The following DENND5A variants were observed in gnomAD, a reference collection of about 807,000 sequenced individuals.
DENND5A encodes DENN domain containing 5A.
DENND5A carries 64 observed loss-of-function variants against 140.3 expected under a neutral mutation model. The ratio of observed to expected loss-of-function variants is 0.46; its 90% confidence interval spans 0.37 to 0.56. The LOEUF is 0.56. Among genes scored for constraint, DENND5A ranks in the 20% least tolerant of loss-of-function variants. The probability of loss-of-function intolerance (pLI) is 0.00; values close to 1 mark genes in which losing one functional copy is unlikely to be tolerated. For missense variants in DENND5A, 1,292 were observed against 1,593.8 expected, an observed-to-expected ratio of 0.81 and a Z score of 3.22; for synonymous variants, 605 against 607.7, an observed-to-expected ratio of 1.00 and a Z score of 0.07.
intron 1 of DENND5A, among the ~76,000 whole-genome samples, chr11:9,250,213 T>C (rs1271835026): frequency 1.6e-4 from 25 of 151,962 alleles, no homozygotes; most frequent in Admixed American, 1.6e-3. Flanking sequence ...CAAATCTTTT[T>C]TTTCCTTCAA....
chr11:9,200,440 G>A (rs1281987905), intron 4 of DENND5A, among the ~76,000 whole-genome samples: 4 of 152,228 alleles, frequency 2.6e-5, no homozygotes, highest in Non-Finnish European at 5.9e-5. Context: ...TGAAGCCTCA[G>A]GAACTACATT....
At position 9,165,970 on chromosome 11, in the gene DENND5A, A is replaced by G. The variant is rs1564891407; in HGVS notation, c.2152-3T>C. The G allele has an allele frequency of 2.5e-6, 4 of 1,614,096 alleles. No individual in the cohort carries two copies. The highest frequency in any genetic ancestry group is 3.4e-6 in the Non-Finnish European group (4 of 1,179,948). On this transcript the variant is annotated splice_region_variant and splice_polypyrimidine_tract_variant and intron_variant, in intron 10 of 22. Transcript: ENST00000328194. Reference sequence around the variant, plus strand: ...GTCCTGGCTTCCTGGATGTACTTCTATATCAAACAGAAAAATAAAGACCCT... The same window carrying G: ...GTCCTGGCTTCCTGGATGTACTTCTGTATCAAACAGAAAAATAAAGACCCT...
intron 10 of DENND5A, among the ~76,000 whole-genome samples, chr11:9,166,385 C>T (rs1004306439): frequency 1.3e-5 from 2 of 152,094 alleles, no homozygotes; most frequent in South Asian, 2.1e-4. Context: ...CTTATTTTCT[C>T]GCACTTTCTT....
At chr11:9,248,734 A>G (rs1851586610) in intron 1 of DENND5A, among the ~76,000 whole-genome samples, 1 of 151,980 alleles carries the variant, frequency 6.6e-6, no homozygotes, top group African/African-American at 2.4e-5. Flanking sequence ...TGGGCATTCA[A>G]TTGGCTGAGG....
intron 1 of DENND5A, among the ~76,000 whole-genome samples, chr11:9,213,816 A>AAAAAAAAAAAAG (rs1326114808): frequency 4.7e-5 from 7 of 150,104 alleles, no homozygotes; most frequent in Non-Finnish European, 8.9e-5. Flanking sequence ...CCCAAAAAAA[A>AAAAAAAAAAAAG]AAGAAGAAGA....
chr11:9,194,577 A>G (rs1030648023), intron 4 of DENND5A, among the ~76,000 whole-genome samples: 1 of 152,030 alleles, frequency 6.6e-6, no homozygotes, highest in Non-Finnish European at 1.5e-5. Flanking sequence ...TTAAAAAAAA[A>G]AAAAAGGCTT....
intron 1 of DENND5A, among the ~76,000 whole-genome samples, chr11:9,223,561 A>C (rs926171825): frequency 6.6e-6 from 1 of 151,694 alleles, no homozygotes; most frequent in Non-Finnish European, 1.5e-5. Flanking sequence ...TTAATTAAAA[A>C]AATTAAATTA....
chr11:9,143,534 T>C, intron 19 of DENND5A, 49 bp from the exon 20 acceptor site: 1 of 1,470,386 alleles, frequency 6.8e-7, no homozygotes, highest in Non-Finnish European at 9.5e-7. Context: ...AGGCTAACAG[T>C]GCTTAGCTGC....
chr11:9,183,496 G>C (rs1439096260), intron 5 of DENND5A, among the ~76,000 whole-genome samples: 4 of 151,306 alleles, frequency 2.6e-5, no homozygotes, highest in Non-Finnish European at 5.9e-5. Context: ...GAGTGCAGTG[G>C]CACAGTCATG....
chr11:9,243,326 T>A (rs1590328281), intron 1 of DENND5A, among the ~76,000 whole-genome samples: 1 of 152,154 alleles, frequency 6.6e-6, no homozygotes, highest in Non-Finnish European at 1.5e-5. Flanking sequence ...GGGGAAAGAA[T>A]GTACTTCACA....
chr11:9,193,394 A>T (rs1849207215), intron 5 of DENND5A, 100 bp downstream of exon 5: 1 of 944,356 alleles, frequency 1.1e-6, no homozygotes, highest in Non-Finnish European at 1.5e-6. Context: ...AAAATAGAAG[A>T]AAATAAACTT....
At chr11:9,252,382 C>T (rs969302167) in intron 1 of DENND5A, among the ~76,000 whole-genome samples, 2 of 151,696 alleles carry the variant, frequency 1.3e-5, no homozygotes, top group African/African-American at 4.8e-5. Context: ...GGTGCAGTGG[C>T]TCATGCCTGT....
Position 9,216,520 on chromosome 11 carries a change from A to G in DENND5A, c.110-8888T>C, listed in dbSNP as rs190478854. The stretch of plus-strand genomic sequence containing the variant: ...CAGTAGGCTTGAGAAAGGCTGAGAT[A>G]CAACGTAACCTCCAAAAAGCTCAGG... On this transcript the variant is annotated intron_variant, in intron 1 of 22. Coordinates refer to ENST00000328194, the MANE Select transcript of DENND5A (RefSeq NM_015213.4). 7.1e-4 allele frequency among the ~76,000 whole-genome samples: 108 copies of G among 152,380 alleles called. 1 individual carries two copies. The highest frequency in any genetic ancestry group is 1.2e-3 in the Non-Finnish European group (83 of 68,042).
At chr11:9,167,495 AAAAG>A (rs904231917) in intron 10 of DENND5A, among the ~76,000 whole-genome samples, 2 of 151,702 alleles carry the variant, frequency 1.3e-5, no homozygotes, top group African/African-American at 4.8e-5. Context: ...AAAAAAAAGA[AAAAG>A]AAAAACAGCC....
Position 9,265,174 on chromosome 11 carries a change from T to G in DENND5A, c.-105A>C. The G allele has an allele frequency of 3.5e-6, 2 of 574,620 alleles. No homozygotes were observed. The highest frequency in any genetic ancestry group is 4.4e-6 in the Non-Finnish European group (2 of 453,128). The allele number at this position is 574,620 out of a possible 1,614,324, so 35.6% of individuals were successfully genotyped here. A position where few individuals can be genotyped will look rare whatever the true frequency, so the allele number is the denominator to read the frequency against. On this transcript the variant is annotated 5_prime_UTR_variant, in exon 1 of 23. The change abolishes the stop of an existing upstream ORF in the 5' untranslated region. Transcript: ENST00000328194. This position sits in a 1 kb window ranked among gnomAD's most constrained non-coding sequence, Gnocchi z 4.7. ...AGGCCGCCCCTCCCGCCGCCGCCGCTACCGCGGCTCGGGCCGCCGCCCCCG... is the reference window on the plus strand; with the variant it reads ...AGGCCGCCCCTCCCGCCGCCGCCGCGACCGCGGCTCGGGCCGCCGCCCCCG...
At chr11:9,225,184 T>C (rs540949645) in intron 1 of DENND5A, among the ~76,000 whole-genome samples, 2 of 152,356 alleles carry the variant, frequency 1.3e-5, no homozygotes, top group African/African-American at 4.8e-5. Context: ...GCTTTTGCCA[T>C]AAATCAAACT....
intron 4 of DENND5A, among the ~76,000 whole-genome samples, chr11:9,202,540 T>C (rs1353183195): frequency 1.4e-4 from 22 of 152,186 alleles, no homozygotes; most frequent in Non-Finnish European, 3.2e-4. Flanking sequence ...CTCGCGAATC[T>C]TCCGTAGCTA....
In DENND5A at chr11:9,180,819, G is replaced by C. The variant is rs375135196; in HGVS notation, c.1403C>G (p.Thr468Ser). The C allele has an allele frequency of 2.1e-5, 34 of 1,614,088 alleles. No individual in the cohort carries two copies. Among genetic ancestry groups the C allele is most frequent in the Non-Finnish European group, 2.8e-5 (33 of 1,180,034 alleles). Residue 468 changes from threonine (T) to serine (S), a missense_variant, in exon 6 of 23, where the codon ACT becomes AGT. Around this residue, in one of 4 missense-constraint regions of DENND5A, gnomAD observed 566 missense variants for 650.4 expected, o/e 0.87. Coordinates refer to ENST00000328194, the MANE Select transcript of DENND5A (RefSeq NM_015213.4). ...HSYELLKENE[T>S]IARLQALVKR... is the part of the protein sequence containing the mutation. ...GACCAAGGCTTGCAGCCGGGCAATA[G>C]TTTCATTCTCCTTAAGAAGCTCGTA...
intron 1 of DENND5A, among the ~76,000 whole-genome samples, chr11:9,208,271 G>A (rs769573762): frequency 2.6e-5 from 4 of 152,222 alleles, no homozygotes; most frequent in Non-Finnish European, 4.4e-5. Context: ...TTATCTGGGA[G>A]GCTCCAGATC....
Sources: allele counts gnomAD v4.1 joint callset (sites outside exome capture counted in the v4.1 genomes callset), GRCh38; gene constraint gnomAD v4.1.1; regional missense constraint gnomAD v4.1.1; non-coding constraint Gnocchi (gnomAD v3.1); transcripts MANE v1.5; gene names NCBI Gene and HGNC (gene_info 2026-07-23, HGNC 2026-07-21).